The following TMEM59 variants were observed in gnomAD, a reference collection of about 807,000 sequenced individuals.
The protein encoded by TMEM59 is transmembrane protein 59.
A neutral mutation model predicts 42.2 loss-of-function variants in TMEM59; 44 were observed. That is an observed-to-expected ratio of 1.04 (90% CI 0.82 to 1.34). The LOEUF is 1.34. Among genes scored for constraint, TMEM59 ranks in the 40% most tolerant of loss-of-function variants. The pLI, the probability that TMEM59 is intolerant of heterozygous loss-of-function variation, is 0.00. For missense variants in TMEM59, 359 were observed against 382.8 expected (o/e 0.94, Z 0.52); for synonymous variants, 148 against 145.8 (o/e 1.02, Z -0.11).
chr1:54,052,305 C>T (rs764059375), intron 1 of TMEM59, among the ~76,000 whole-genome samples: 4 of 152,108 alleles, frequency 2.6e-5, no homozygotes, highest in Non-Finnish European at 2.9e-5. Context: ...AGCTGCGAAC[C>T]CCCTCCTGTC....
Position 54,045,674 on chromosome 1 carries a change from G to T in TMEM59, c.390+18C>A. 3.7e-6 allele frequency: 6 copies of T among 1,612,474 alleles called. No homozygotes were observed. The highest frequency in any genetic ancestry group is 5.1e-6 in the Non-Finnish European group (6 of 1,178,490). On this transcript the variant is annotated intron_variant, in intron 3 of 7. Transcript: ENST00000234831. ...GCCATCTAAGCAGGCTAGTTTGAAA[G>T]GCAGTATTGTTTCGTACTTGTTCTT...
chr1:54,036,153 G>C (rs12041928), intron 7 of TMEM59, among the ~76,000 whole-genome samples: 44,042 of 151,816 alleles, frequency 0.29, 6,965 homozygotes, highest in Admixed American at 0.43. Flanking sequence ...ACATGGTGGC[G>C]CATGCTTGTA....
At chr1:54,045,594 TAACACTAAAATAGGATCAAGTGGGTGATA>T in intron 3 of TMEM59, 69 bp downstream of exon 3, 1 of 1,181,444 alleles carries the variant, frequency 8.5e-7, no homozygotes, top group African/African-American at 1.5e-5. Context: ...ATATAAAATA[TAACACTAAAATAGGATCAAGTGGGTGATA>T]AACACTTCAA....
At chr1:54,047,423 C>T (rs935404468) in intron 1 of TMEM59, 51 bp from the exon 2 acceptor site, 5 of 1,439,010 alleles carry the variant, frequency 3.5e-6, no homozygotes, top group African/African-American at 1.4e-5. Flanking sequence ...ATTTTTTTTT[C>T]CTCAGGGGAA....
At position 54,029,432 on chromosome 1, in the gene TMEM59, G is replaced by A. The variant is rs1055633425; in HGVS notation, c.*2718C>T. 1.3e-5 allele frequency: 2 copies of A among 152,230 alleles called. No individual in the cohort carries two copies. Among genetic ancestry groups the A allele is most frequent in the East Asian group, 1.9e-4 (1 of 5,172 alleles). The allele number at this position is 152,230 out of a possible 1,614,324, so 9.4% of individuals were successfully genotyped here. On this transcript the variant is annotated 3_prime_UTR_variant, in exon 8 of 8. Coordinates refer to ENST00000234831, the MANE Select transcript of TMEM59 (RefSeq NM_004872.5). ...GGGAGGTTTGAACCAGAGACCCAAC[G>A]GTCTTGAGAATTTGCCTAGGACCAA... is the stretch of plus-strand genomic sequence containing the variant.
At chr1:54,049,964 T>C (rs1657471938) in intron 1 of TMEM59, among the ~76,000 whole-genome samples, 1 of 152,230 alleles carries the variant, frequency 6.6e-6, no homozygotes, top group Non-Finnish European at 1.5e-5. Flanking sequence ...TTAGCTTTTT[T>C]ATTAACATGA....
chr1:54,050,073 T>G (rs1220827370), intron 1 of TMEM59, among the ~76,000 whole-genome samples: 1 of 152,198 alleles, frequency 6.6e-6, no homozygotes, highest in Non-Finnish European at 1.5e-5. Flanking sequence ...CAAACAGGTA[T>G]TCTACTTTCT....
rs2100292671 is a variant in TMEM59, at chr1:54,031,695, A to G, written c.*455T>C. ...ACATAATTATTCAAATAAAATTTTA[A>G]TGATTTCAGTTCCTGAAAATGTAGT... On this transcript the variant is annotated 3_prime_UTR_variant, in exon 8 of 8. Coordinates refer to ENST00000234831, the MANE Select transcript of TMEM59 (RefSeq NM_004872.5). The G allele has an allele frequency of 6.5e-6, 1 of 152,992 alleles. No individual in the cohort carries two copies. Among genetic ancestry groups the G allele is most frequent in the South Asian group, 2.1e-4 (1 of 4,834 alleles). The allele number at this position is 152,992 out of a possible 1,614,324, so 9.5% of individuals were successfully genotyped here.
chr1:54,026,683 A>AT lies in TMEM59; in HGVS notation c.*5466dup, dbSNP rs1182564430. ...GTAGACACTTTTACAAGATAGCATT[A>AT]TTTTTTAATGCAGATGATCCAAGTT... On this transcript the variant is annotated 3_prime_UTR_variant, in exon 8 of 8. Coordinates refer to ENST00000234831, the MANE Select transcript of TMEM59 (RefSeq NM_004872.5). The AT allele has an allele frequency of 6.6e-6, 1 of 152,242 alleles. No homozygotes were observed. Among genetic ancestry groups the AT allele is most frequent in the Non-Finnish European group, 1.5e-5 (1 of 68,040 alleles). The allele number at this position is 152,242 out of a possible 1,614,324, so 9.4% of individuals were successfully genotyped here.
intron 1 of TMEM59, among the ~76,000 whole-genome samples, chr1:54,050,694 G>T (rs976128635): frequency 6.6e-6 from 1 of 151,618 alleles, no homozygotes; most frequent in African/African-American, 2.4e-5. Context: ...GAGTAGCTGG[G>T]ATTACAGGCG....
In TMEM59 at chr1:54,030,645, G is replaced by T. The variant is rs888679999; in HGVS notation, c.*1505C>A. On this transcript the variant is annotated 3_prime_UTR_variant, in exon 8 of 8. Transcript: ENST00000234831. ...CTAACAAAAAGAAGAAAGAAACAAT[G>T]ACTGCTTGACAATGACGGCTAATTC... 1 of 152,180 alleles carries T rather than the reference G, an allele frequency of 6.6e-6. No homozygotes were observed. The highest frequency in any genetic ancestry group is 1.5e-5 in the Non-Finnish European group (1 of 68,036). The allele number at this position is 152,180 out of a possible 1,614,324, so 9.4% of individuals were successfully genotyped here.
intron 4 of TMEM59, 73 bp downstream of exon 4, chr1:54,043,300 T>C: frequency 4.7e-6 from 6 of 1,267,824 alleles, no homozygotes; most frequent in South Asian, 2.5e-5. Flanking sequence ...GGTTCTATGC[T>C]GAAACACTCA....
In TMEM59 at chr1:54,027,167, G is replaced by A. The variant is rs1656625842; in HGVS notation, c.*4983C>T. 6.6e-6 allele frequency: 1 copy of A among 152,086 alleles called. No individual in the cohort carries two copies. Among genetic ancestry groups the A allele is most frequent in the African/African-American group, 2.4e-5 (1 of 41,410 alleles). The allele number at this position is 152,086 out of a possible 1,614,324, so 9.4% of individuals were successfully genotyped here. On this transcript the variant is annotated 3_prime_UTR_variant, in exon 8 of 8. Coordinates refer to ENST00000234831, the MANE Select transcript of TMEM59 (RefSeq NM_004872.5). ...GTGACTTTGTCACCAATAGAAATGA[G>A]ACATTTAGATATATTACAGTTGTTA... is the stretch of plus-strand genomic sequence containing the variant.
intron 3 of TMEM59, chr1:54,043,828 A>T (rs1657228763): frequency 6.5e-6 from 1 of 154,296 alleles, no homozygotes; most frequent in Non-Finnish European, 1.4e-5. Flanking sequence ...GTAATTAAAT[A>T]AGGACCAGCA....
intron 6 of TMEM59, among the ~76,000 whole-genome samples, chr1:54,039,631 G>A (rs78521396): frequency 0.011 from 1,639 of 152,238 alleles, 30 homozygotes; most frequent in African/African-American, 0.035. Context: ...GTTTCTATAA[G>A]AAATTACAGG....
In TMEM59 at chr1:54,045,797, A is replaced by G; in HGVS notation, c.296-11T>C. ...ATGCTTCTGTACATGCTGTAAGAGA[A>G]AAATAGTCAAATTACAAGAAACAAA... is the stretch of plus-strand genomic sequence containing the variant. On this transcript the variant is annotated splice_polypyrimidine_tract_variant and intron_variant, in intron 2 of 7. Coordinates refer to ENST00000234831, the MANE Select transcript of TMEM59 (RefSeq NM_004872.5). The G allele has an allele frequency of 6.3e-7, 1 of 1,591,932 alleles. No individual in the cohort carries two copies. The highest frequency in any genetic ancestry group is 8.6e-7 in the Non-Finnish European group (1 of 1,164,764).
intron 3 of TMEM59, chr1:54,044,048 A>G (rs1447885701): frequency 6.6e-6 from 1 of 152,154 alleles, no homozygotes. Flanking sequence ...TAAGCTACTG[A>G]TAAGATTTTA....
chr1:54,038,924 A>C (rs1657045948), intron 6 of TMEM59, among the ~76,000 whole-genome samples: 1 of 152,224 alleles, frequency 6.6e-6, no homozygotes, highest in African/African-American at 2.4e-5. Context: ...AGCTCACTGC[A>C]GTCTCAACCT....
chr1:54,053,270 TCTC>T, upstream of TMEM59: 1 of 1,524,160 alleles, frequency 6.6e-7, no homozygotes, highest in Non-Finnish European at 8.9e-7. Context: ...CCAGCCCCCT[TCTC>T]CGCCCCACCG....
Sources: allele counts gnomAD v4.1 joint callset (sites outside exome capture counted in the v4.1 genomes callset), GRCh38; gene constraint gnomAD v4.1.1; transcripts MANE v1.5; gene names NCBI Gene and HGNC (gene_info 2026-07-23, HGNC 2026-07-21).